CCDC172: variants seen among roughly 807,000 people sequenced by gnomAD.
CCDC172 encodes the protein coiled-coil domain containing 172.
In CCDC172, 30 loss-of-function variants were observed where a neutral mutation model predicts 38.0. The ratio of observed to expected loss-of-function variants is 0.79; its 90% CI spans 0.59 to 1.07. The LOEUF (loss-of-function observed/expected upper bound fraction) is 1.07, where lower values mean the gene tolerates loss of function less well. CCDC172 is among the 50% of genes least tolerant of loss of function. The pLI is 0.00. For synonymous variants in CCDC172, 78 were observed against 88.3 expected (o/e 0.88, Z 0.66); for missense variants, 297 against 290.1 (o/e 1.02, Z -0.17).
chr10:116,325,221 A>G, intron 2 of CCDC172, 82 bp from the exon 3 acceptor site: 1 of 1,471,076 alleles, frequency 6.8e-7, no homozygotes, highest in Non-Finnish European at 9.5e-7. Flanking sequence ...GGGAAAGACA[A>G]CTGAAAGGTG....
In CCDC172 at chr10:116,325,366, A is replaced by G. The variant is rs1260955797; in HGVS notation, c.143A>G (p.Glu48Gly). ...IKKATEELNE[E>G]KIKLESKVQQ... ...AAAGCAACGGAGGAGCTGAATGAAG[A>G]GAAAATCAAGCTGGAATCTAAGGTA... Residue 48 changes from glutamate (E) to glycine (G), a missense_variant, in exon 3 of 9, where the codon GAG becomes GGG. Glu to Gly is a moderately conservative substitution (Grantham distance 98). Transcript: ENST00000333254. The G allele has an allele frequency of 6.2e-7, 1 of 1,613,860 alleles. No homozygotes were observed. The highest frequency in any genetic ancestry group is 1.7e-5 in the Admixed American group (1 of 60,000).
At chr10:116,343,308 G>A (rs1448223405) in intron 5 of CCDC172, among the ~76,000 whole-genome samples, 3 of 152,036 alleles carry the variant, frequency 2.0e-5, no homozygotes, top group African/African-American at 4.8e-5. Flanking sequence ...ATATACTATG[G>A]TGAGATAGGC....
intron 7 of CCDC172, among the ~76,000 whole-genome samples, chr10:116,377,782 G>A (rs575857150): frequency 6.6e-6 from 1 of 152,102 alleles, no homozygotes; most frequent in Non-Finnish European, 1.5e-5. Flanking sequence ...TTTTAACTAA[G>A]CTTATTCAGT....
At chr10:116,361,106 A>G (rs940099787) in intron 7 of CCDC172, among the ~76,000 whole-genome samples, 1 of 150,214 alleles carries the variant, frequency 6.7e-6, no homozygotes, top group African/African-American at 2.4e-5. Flanking sequence ...CTTGCTCTGT[A>G]TCCCAGAGCA....
intron 7 of CCDC172, among the ~76,000 whole-genome samples, chr10:116,366,036 C>T (rs755405606): frequency 2.0e-4 from 31 of 152,038 alleles, no homozygotes; most frequent in South Asian, 4.1e-4. Flanking sequence ...TGTTGTTAAA[C>T]GATGTATGAC....
chr10:116,334,935 T>C (rs1284803008), intron 3 of CCDC172, among the ~76,000 whole-genome samples: 1 of 152,132 alleles, frequency 6.6e-6, no homozygotes, highest in Non-Finnish European at 1.5e-5. Context: ...TTAATTTATA[T>C]GTATATTTAC....
chr10:116,379,490 T>A lies in CCDC172; in HGVS notation c.*132T>A. 1 of 483,848 alleles carries A rather than the reference T, an allele frequency of 2.1e-6. No homozygotes were observed. Among genetic ancestry groups the A allele is most frequent in the Non-Finnish European group, 3.6e-6 (1 of 279,338 alleles). The allele number at this position is 483,848 out of a possible 1,614,324, so 30.0% of individuals were successfully genotyped here. On this transcript the variant is annotated 3_prime_UTR_variant, in exon 9 of 9. Transcript: ENST00000333254. The stretch of plus-strand genomic sequence containing the variant: ...AATATGGGGTTTAAAATATTCAAAT[T>A]GTTATTATCTAGAAATGATGTGTTA...
At chr10:116,329,402 CT>C (rs1405922379) in intron 3 of CCDC172, among the ~76,000 whole-genome samples, 1 of 152,040 alleles carries the variant, frequency 6.6e-6, no homozygotes, top group African/African-American at 2.4e-5. Flanking sequence ...GCTGTTTCCT[CT>C]GCTTGAAATG....
At chr10:116,365,462 A>G (rs1471885776) in intron 7 of CCDC172, among the ~76,000 whole-genome samples, 1 of 152,168 alleles carries the variant, frequency 6.6e-6, no homozygotes, top group East Asian at 1.9e-4. Flanking sequence ...CTACCATTTT[A>G]TTTGAAAAAT....
At chr10:116,361,943 C>T (rs141473086) in intron 7 of CCDC172, among the ~76,000 whole-genome samples, 2,054 of 152,258 alleles carry the variant, frequency 0.013, 47 homozygotes, top group African/African-American at 0.044. Flanking sequence ...AATCCTAACA[C>T]TTTGGGAGGC....
intron 3 of CCDC172, among the ~76,000 whole-genome samples, chr10:116,334,995 TATAG>T: frequency 6.6e-6 from 1 of 152,214 alleles, no homozygotes; most frequent in South Asian, 2.1e-4. Context: ...AGCTTTTTAT[TATAG>T]ATATTCTTTC....
At chr10:116,337,396 C>G (rs186542906) in intron 3 of CCDC172, among the ~76,000 whole-genome samples, 2 of 151,950 alleles carry the variant, frequency 1.3e-5, no homozygotes, top group East Asian at 1.9e-4. Flanking sequence ...GTGATCCACC[C>G]GTCTCGGCCT....
At position 116,325,027 on chromosome 10, in the gene CCDC172, C is replaced by T; in HGVS notation, c.16C>T (p.Leu6=). 6.2e-7 allele frequency: 1 copy of T among 1,614,086 alleles called. No homozygotes were observed. MSLES[L]FQHIIFTEHQ... ...AGGCCCTGAGATGAGCTTGGAGTCC[C>T]TGTTTCAGCACATCATCTTCACCGA... is the stretch of plus-strand genomic sequence containing the variant. The change falls in exon 2 of 9, where the codon CTG becomes TTG. Residue 6 remains leucine, a synonymous_variant. Coordinates refer to ENST00000333254, the MANE Select transcript of CCDC172 (RefSeq NM_198515.3).
chr10:116,330,379 T>A (rs1471852478), intron 3 of CCDC172, among the ~76,000 whole-genome samples: 1 of 152,212 alleles, frequency 6.6e-6, no homozygotes, highest in Non-Finnish European at 1.5e-5. Flanking sequence ...AAGCATATTA[T>A]GAAATATATC....
At chr10:116,350,921 TAGTG>T (rs1186382013) in intron 5 of CCDC172, among the ~76,000 whole-genome samples, 2 of 152,018 alleles carry the variant, frequency 1.3e-5, no homozygotes, top group African/African-American at 2.4e-5. Context: ...AATAAAATAA[TAGTG>T]AGGCAATAAA....
intron 3 of CCDC172, among the ~76,000 whole-genome samples, chr10:116,337,190 G>A (rs901159870): frequency 3.4e-5 from 5 of 148,354 alleles, no homozygotes; most frequent in Non-Finnish European, 5.9e-5. Flanking sequence ...TTTCACTCTC[G>A]TCACCCAGGC....
In CCDC172 at chr10:116,325,392, T is replaced by C. The variant is rs1178075589; in HGVS notation, c.165+4T>C. On this transcript the variant is annotated splice_donor_region_variant and intron_variant, in intron 3 of 8. Coordinates refer to ENST00000333254, the MANE Select transcript of CCDC172 (RefSeq NM_198515.3). ...GAAAATCAAGCTGGAATCTAAGGTA[T>C]TGAAATGTAAAGCATACTAATTATC... The C allele has an allele frequency of 1.2e-6, 2 of 1,609,678 alleles. No individual in the cohort carries two copies. Among genetic ancestry groups the C allele is most frequent in the East Asian group, 2.2e-5 (1 of 44,842 alleles).
At chr10:116,368,618 T>C (rs1315876402) in intron 7 of CCDC172, among the ~76,000 whole-genome samples, 6 of 151,994 alleles carry the variant, frequency 3.9e-5, no homozygotes, top group East Asian at 1.9e-4. Context: ...TGCAAGAAGG[T>C]GTTCCAGGCT....
intron 7 of CCDC172, among the ~76,000 whole-genome samples, chr10:116,373,978 A>T (rs1400084099): frequency 2.0e-5 from 3 of 152,194 alleles, no homozygotes; most frequent in Non-Finnish European, 4.4e-5. Context: ...CATTAAATGA[A>T]AAAATTCATA....
Sources: gnomAD v4.1 joint callset for allele counts (sites outside exome capture counted in the v4.1 genomes callset) on GRCh38, gnomAD v4.1.1 for gene constraint, MANE v1.5 for transcripts, NCBI Gene and HGNC (gene_info 2026-07-23, HGNC 2026-07-21) for gene names.